PLD5: variants seen among roughly 807,000 people sequenced by gnomAD.
PLD5 encodes phospholipase D family member 5.
Under a neutral mutation model 61.1 loss-of-function variants are expected in PLD5, and 36 were observed. The observed-to-expected ratio is 0.59, with a 90% CI of 0.45 to 0.78. PLD5 has a LOEUF of 0.78. Ranked by LOEUF, PLD5 falls within the 30% of genes least tolerant of loss-of-function variation. The pLI, the probability that PLD5 is intolerant of heterozygous loss-of-function variation, is 0.00. For missense variants in PLD5, 515 were observed against 644.4 expected, an observed-to-expected ratio of 0.80 and a Z score of 2.17; for synonymous variants, 243 against 242.8, an observed-to-expected ratio of 1.00 and a Z score of -0.01.
intron 5 of PLD5, among the ~76,000 whole-genome samples, chr1:242,163,361 T>C (rs1333210855): frequency 6.6e-6 from 1 of 151,990 alleles, no homozygotes; most frequent in East Asian, 1.9e-4. Flanking sequence ...GCCAGGATGG[T>C]CTCCATCTCC....
chr1:242,414,198 G>C (rs1326419279), intron 1 of PLD5, among the ~76,000 whole-genome samples: 1 of 152,116 alleles, frequency 6.6e-6, no homozygotes, highest in Non-Finnish European at 1.5e-5. Flanking sequence ...AGAAATAAAG[G>C]GAGTTAAGAC....
At chr1:242,475,720 G>C (rs1667577162) in intron 1 of PLD5, among the ~76,000 whole-genome samples, 1 of 152,082 alleles carries the variant, frequency 6.6e-6, no homozygotes, top group South Asian at 2.1e-4. Context: ...TGTGTTTATA[G>C]GTGAGGTCTT....
chr1:242,277,876 GGCAGGCTGA>G (rs1674500884), intron 3 of PLD5, among the ~76,000 whole-genome samples: 1 of 152,118 alleles, frequency 6.6e-6, no homozygotes, highest in Non-Finnish European at 1.5e-5. Flanking sequence ...TCAGCTACTT[GGCAGGCTGA>G]AGCAGGAGAA....
chr1:242,528,166 T>G (rs1669487059), upstream of PLD5, among the ~76,000 whole-genome samples: 4 of 152,248 alleles, frequency 2.6e-5, no homozygotes, highest in Admixed American at 2.6e-4. Context: ...ATTACTAAAT[T>G]GTGACTTTCA....
chr1:242,204,325 A>G (rs1454907301), intron 5 of PLD5, among the ~76,000 whole-genome samples: 2 of 152,162 alleles, frequency 1.3e-5, no homozygotes, highest in East Asian at 1.9e-4. Context: ...AGGTATTACC[A>G]TTGATAATAA....
chr1:242,377,899 C>A (rs1049469323), intron 1 of PLD5, among the ~76,000 whole-genome samples: 1 of 152,104 alleles, frequency 6.6e-6, no homozygotes, highest in African/African-American at 2.4e-5. Flanking sequence ...GAAATCGGAA[C>A]CCTATACATT....
At chr1:242,462,559 A>C (rs760248977) in intron 1 of PLD5, among the ~76,000 whole-genome samples, 4 of 151,834 alleles carry the variant, frequency 2.6e-5, no homozygotes, top group Non-Finnish European at 5.9e-5. Context: ...TCAGCATCCC[A>C]TGTAAAAAAT....
rs527399419 is a variant in PLD5, at chr1:242,394,433, A to T, written c.190-46191T>A. On this transcript the variant is annotated intron_variant, in intron 1 of 9. Coordinates refer to ENST00000536534, the MANE Select transcript of PLD5 (RefSeq NM_001372062.1). Reference sequence around the variant, plus strand: ...ATATGAGTATATATGTGTGTATATGAGTATATATGTGTGTATATGAGTATA... The same window carrying T: ...ATATGAGTATATATGTGTGTATATGTGTATATATGTGTGTATATGAGTATA... 3.1e-4 allele frequency among the ~76,000 whole-genome samples: 30 copies of T among 96,502 alleles called. 1 individual carries two copies. Among genetic ancestry groups the T allele is most frequent in the African/African-American group, 1.3e-3 (28 of 21,618 alleles). 63.3% of individuals were successfully genotyped at this position (96,502 alleles called of 152,430 possible).
In PLD5 at chr1:242,390,503, A is replaced by G. The variant is rs553347700; in HGVS notation, c.190-42261T>C. ...GGATATAATGTTAAAACATTCCATGAGCAAAACCCCGAAAAGTACCATTTC... is the reference window on the plus strand; with the variant it reads ...GGATATAATGTTAAAACATTCCATGGGCAAAACCCCGAAAAGTACCATTTC... On this transcript the variant is annotated intron_variant, in intron 1 of 9. Transcript: ENST00000536534. Among the ~76,000 whole-genome samples, 9 of 152,310 alleles carry G rather than the reference A, an allele frequency of 5.9e-5. No individual in the cohort carries two copies. The South Asian group carries it at 1.9e-3, about 32-fold the overall frequency.
chr1:242,096,592 T>A (rs1417198618), intron 9 of PLD5, among the ~76,000 whole-genome samples: 1 of 152,004 alleles, frequency 6.6e-6, no homozygotes, highest in Non-Finnish European at 1.5e-5. Flanking sequence ...TCCACCTGCC[T>A]CAACCTCCCA....
chr1:242,199,567 A>AG (rs1668854957), intron 5 of PLD5, among the ~76,000 whole-genome samples: 1 of 152,072 alleles, frequency 6.6e-6, no homozygotes, highest in Non-Finnish European at 1.5e-5. Flanking sequence ...TACAAGTACA[A>AG]TTTTGCTACA....
intron 2 of PLD5, among the ~76,000 whole-genome samples, chr1:242,317,159 G>A (rs1023239965): frequency 7.9e-5 from 12 of 151,900 alleles, no homozygotes; most frequent in African/African-American, 1.9e-4. Context: ...AATTACAGGC[G>A]CCCACCACCA....
In PLD5 at chr1:242,219,974, C is replaced by T. The variant is rs770821680; in HGVS notation, c.735+14G>A. 2.1e-5 allele frequency: 33 copies of T among 1,608,784 alleles called. No homozygotes were observed. The highest frequency in any genetic ancestry group is 5.3e-5 in the African/African-American group (4 of 74,860). The stretch of plus-strand genomic sequence containing the variant: ...GTGACAGAACATTGAGTTTACATAA[C>T]GTAGAAAGCTTACCTGTCCCAGGGA... On this transcript the variant is annotated intron_variant, in intron 5 of 9. Transcript: ENST00000536534.
At chr1:242,401,283 G>A (rs1205010757) in intron 1 of PLD5, among the ~76,000 whole-genome samples, 1 of 152,028 alleles carries the variant, frequency 6.6e-6, no homozygotes, top group Non-Finnish European at 1.5e-5. Context: ...GCACTGGCAG[G>A]CTCAGCCAAG....
intron 1 of PLD5, among the ~76,000 whole-genome samples, chr1:242,406,592 A>G (rs1012408600): frequency 3.3e-5 from 5 of 152,244 alleles, no homozygotes; most frequent in African/African-American, 1.2e-4. Flanking sequence ...TTTGATAAAC[A>G]AGCTAGGAAA....
At chr1:242,529,778 T>TCTTCCTCCCTCCCTTC in the PLD5 span, among the ~76,000 whole-genome samples, 3 of 129,872 alleles carry the variant, frequency 2.3e-5, no homozygotes, top group African/African-American at 9.0e-5. Context: ...GGCACTGGGA[T>TCTTCCTCCCTCCCTTC]CTTCCTTCCT....
At chr1:242,128,356 T>C (rs1006384150) in intron 5 of PLD5, among the ~76,000 whole-genome samples, 1 of 151,932 alleles carries the variant, frequency 6.6e-6, no homozygotes, top group Non-Finnish European at 1.5e-5. Context: ...CCACCTTGTT[T>C]CTCAGAAGTA....
At chr1:242,508,079 T>A (rs1327689736) in intron 1 of PLD5, among the ~76,000 whole-genome samples, 2 of 151,892 alleles carry the variant, frequency 1.3e-5, no homozygotes, top group Non-Finnish European at 2.9e-5. Context: ...GAAATGTGTG[T>A]TTGGCTGGGC....
chr1:242,319,673 G>A (rs955606122), intron 2 of PLD5, among the ~76,000 whole-genome samples: 23 of 152,274 alleles, frequency 1.5e-4, no homozygotes, highest in South Asian at 4.2e-4. Context: ...TAAATTCATC[G>A]TTAATCTTCT....
Sources: allele counts gnomAD v4.1 joint callset (sites outside exome capture counted in the v4.1 genomes callset), GRCh38; gene constraint gnomAD v4.1.1; transcripts MANE v1.5; gene names NCBI Gene and HGNC (gene_info 2026-07-23, HGNC 2026-07-21).